The following MALRD1 variants were observed in gnomAD, a reference collection of about 807,000 sequenced individuals.
MALRD1 encodes the protein MAM and LDL receptor class A domain containing 1.
A neutral mutation model predicts 242.1 loss-of-function variants in MALRD1; 247 were observed. The observed-to-expected ratio is 1.02, with a 90% CI of 0.92 to 1.13. The LOEUF is 1.13. MALRD1 is among the 50% of genes most tolerant of loss of function. The pLI is 0.00. For synonymous variants in MALRD1, 995 were observed against 866.6 expected (o/e 1.15, Z -2.60); for missense variants, 2,989 against 2,533.1 (o/e 1.18, Z -3.86).
intron 28 of MALRD1, among the ~76,000 whole-genome samples, chr10:19,397,461 C>T (rs1035106324): frequency 1.3e-5 from 2 of 151,986 alleles, no homozygotes; most frequent in African/African-American, 4.8e-5. Context: ...TGTATATAGA[C>T]CCCATTTTCT....
At chr10:19,366,009 C>G (rs569486953) in intron 26 of MALRD1, among the ~76,000 whole-genome samples, 1 of 152,122 alleles carries the variant, frequency 6.6e-6, no homozygotes, top group East Asian at 1.9e-4. Flanking sequence ...CGATCCACAA[C>G]CTTTTTGGCA....
intron 36 of MALRD1, among the ~76,000 whole-genome samples, chr10:19,679,348 T>C (rs1842268959): frequency 6.6e-6 from 1 of 152,218 alleles, no homozygotes; most frequent in South Asian, 2.1e-4. Context: ...TTGTTATTGG[T>C]CTATTCAGGG....
chr10:19,338,763 C>T (rs900454778), intron 24 of MALRD1, among the ~76,000 whole-genome samples: 5 of 151,760 alleles, frequency 3.3e-5, no homozygotes, highest in Non-Finnish European at 7.4e-5. Flanking sequence ...TTCAATTATA[C>T]TCTTTAAGTT....
chr10:19,431,094 A>G (rs1378474450), intron 28 of MALRD1, among the ~76,000 whole-genome samples: 4 of 152,250 alleles, frequency 2.6e-5, no homozygotes, highest in East Asian at 1.9e-4. Flanking sequence ...TGCTGTGCCT[A>G]TCAACCCATC....
chr10:19,384,727 A>G (rs1846005795), intron 26 of MALRD1, among the ~76,000 whole-genome samples: 2 of 142,254 alleles, frequency 1.4e-5, no homozygotes, highest in East Asian at 4.0e-4. Context: ...AATTTCATTT[A>G]TTCTTTTTAT....
At chr10:19,719,625 C>A (rs1440856104) in intron 38 of MALRD1, among the ~76,000 whole-genome samples, 1 of 152,032 alleles carries the variant, frequency 6.6e-6, no homozygotes, top group African/African-American at 2.4e-5. Flanking sequence ...GGTTTTATGA[C>A]CCTGGGTGAT....
intron 28 of MALRD1, among the ~76,000 whole-genome samples, chr10:19,419,247 C>T (rs1220155626): frequency 6.6e-6 from 1 of 151,396 alleles, no homozygotes; most frequent in Non-Finnish European, 1.5e-5. Flanking sequence ...TCTCATTCTC[C>T]TTCTCCTCCT....
At chr10:19,116,408 A>G (rs1836870957) in intron 5 of MALRD1, among the ~76,000 whole-genome samples, 2 of 152,236 alleles carry the variant, frequency 1.3e-5, no homozygotes, top group South Asian at 4.1e-4. Context: ...TTAAATAACT[A>G]AGGACCTTTT....
chr10:19,521,996 C>T (rs1428244631), intron 31 of MALRD1, among the ~76,000 whole-genome samples: 3 of 152,022 alleles, frequency 2.0e-5, no homozygotes, highest in African/African-American at 7.2e-5. Context: ...ATCTGTCATC[C>T]ATACTCACTT....
At chr10:19,733,504 C>T (rs1835375520) in intron 39 of MALRD1, among the ~76,000 whole-genome samples, 1 of 152,028 alleles carries the variant, frequency 6.6e-6, no homozygotes, top group Admixed American at 6.5e-5. Flanking sequence ...CTCATTAAAA[C>T]CTAAAAGGTT....
chr10:19,056,362 T>C (rs983026578), intron 1 of MALRD1, among the ~76,000 whole-genome samples: 7 of 152,142 alleles, frequency 4.6e-5, no homozygotes, highest in Admixed American at 4.6e-4. Flanking sequence ...TCCTTAAGTT[T>C]AATTCTCGGT....
chr10:19,205,357 C>A, intron 17 of MALRD1, 92 bp downstream of exon 17: 2 of 1,383,864 alleles, frequency 1.4e-6, no homozygotes, highest in East Asian at 2.5e-5. Flanking sequence ...AAACCGATAA[C>A]AGTAAGCATA....
chr10:19,567,530 A>G lies in MALRD1; in HGVS notation c.5507A>G (p.Asn1836Ser). The G allele has an allele frequency of 6.4e-7, 1 of 1,550,464 alleles. No individual in the cohort carries two copies. Among genetic ancestry groups the G allele is most frequent in the Non-Finnish European group, 8.7e-7 (1 of 1,146,918 alleles). ...TATACCATTGAAGAATCGGGGCTAA[A>G]CATCCTGGTGTGGTCAGTGATTGGA... ...KVYTIEESGL[N>S]ILVWSVIGNK... Residue 1836 changes from asparagine to serine, a missense_variant, in exon 33 of 40, where the codon AAC becomes AGC. By Grantham distance (46) the Asn-to-Ser change is conservative. Transcript: ENST00000454679.
chr10:19,404,045 A>G (rs1421923188), intron 28 of MALRD1, among the ~76,000 whole-genome samples: 3 of 152,140 alleles, frequency 2.0e-5, no homozygotes, highest in Non-Finnish European at 4.4e-5. Context: ...TTTTTAAAAA[A>G]TGTCTAAGCA....
At chr10:19,627,621 C>A (rs1296992878) in intron 36 of MALRD1, among the ~76,000 whole-genome samples, 1 of 151,420 alleles carries the variant, frequency 6.6e-6, no homozygotes, top group Non-Finnish European at 1.5e-5. Flanking sequence ...ATTAACCAGG[C>A]GTGGTGGCAG....
intron 31 of MALRD1, among the ~76,000 whole-genome samples, chr10:19,512,365 G>A (rs1488984533): frequency 6.6e-6 from 1 of 152,160 alleles, no homozygotes; most frequent in Non-Finnish European, 1.5e-5. Context: ...GCTTTCCAGG[G>A]AGAATAGATA....
intron 36 of MALRD1, among the ~76,000 whole-genome samples, chr10:19,650,611 T>A (rs1227679090): frequency 6.6e-6 from 1 of 152,012 alleles, no homozygotes; most frequent in Non-Finnish European, 1.5e-5. Flanking sequence ...AATGATGAGG[T>A]GGGGAAATGG....
intron 33 of MALRD1, among the ~76,000 whole-genome samples, chr10:19,577,955 G>C (rs1189048453): frequency 6.6e-6 from 1 of 152,118 alleles, no homozygotes; most frequent in African/African-American, 2.4e-5. Flanking sequence ...TTCACAGCCA[G>C]GGTCAGTCTG....
At position 19,205,148 on chromosome 10, in the gene MALRD1, G is replaced by GA; in HGVS notation, c.2462dup (p.Ser822GlufsTer3). ...AAATTGTACTCTCCCTCTTCCTGCT[G>GA]AGAGCTGTGAAGGGCTGGATCATTT... On this transcript the variant is annotated frameshift_variant, in exon 17 of 40. Transcript: ENST00000454679. LOFTEE classifies it high-confidence loss of function. 6.4e-7 allele frequency: 1 copy of GA among 1,550,904 alleles called. No individual in the cohort carries two copies. The highest frequency in any genetic ancestry group is 2.0e-5 in the Admixed American group (1 of 50,988).
Sources: gnomAD v4.1 joint callset for allele counts (sites outside exome capture counted in the v4.1 genomes callset) on GRCh38, gnomAD v4.1.1 for gene constraint, MANE v1.5 for transcripts, NCBI Gene and HGNC (gene_info 2026-07-23, HGNC 2026-07-21) for gene names.